RERE: variants seen among roughly 807,000 people sequenced by gnomAD.
The protein encoded by RERE is arginine-glutamic acid dipeptide repeats protein.
RERE carries 40 observed loss-of-function variants against 146.1 expected under a neutral mutation model. The ratio of observed to expected loss-of-function variants is 0.27; its 90% CI spans 0.21 to 0.36. The LOEUF (loss-of-function observed/expected upper bound fraction) is 0.36. RERE is among the 10% of genes least tolerant of loss of function. The pLI is 1.00. For synonymous variants in RERE, 1,003 were observed against 866.0 expected (o/e 1.16, Z -2.78); for missense variants, 1,933 against 2,138.7 (o/e 0.90, Z 1.90).
At chr1:8,508,706 C>A in intron 7 of RERE, 31 bp from the exon 8 acceptor site, 1 of 1,564,792 alleles carries the variant, frequency 6.4e-7, no homozygotes, top group Non-Finnish European at 8.7e-7. Flanking sequence ...ATTAAGTTAG[C>A]GCAATACAGT....
intron 4 of RERE, among the ~76,000 whole-genome samples, chr1:8,562,420 T>C (rs1019085644): frequency 1.3e-5 from 2 of 152,138 alleles, no homozygotes; most frequent in Admixed American, 6.5e-5. Context: ...GAAAGCACCC[T>C]AGGGTGTACT....
intron 11 of RERE, among the ~76,000 whole-genome samples, chr1:8,452,718 G>A (rs192379111): frequency 3.3e-4 from 51 of 152,270 alleles, no homozygotes; most frequent in Non-Finnish European, 5.9e-4. Context: ...GAATGGAAAC[G>A]CAGTAGAATT....
intron 4 of RERE, among the ~76,000 whole-genome samples, chr1:8,588,056 C>G (rs1443115230): frequency 1.3e-5 from 2 of 152,174 alleles, no homozygotes; most frequent in Non-Finnish European, 2.9e-5. Context: ...GTGCCATGCA[C>G]TGTAAAGCCT....
At chr1:8,532,404 T>A (rs1366722554) in intron 7 of RERE, among the ~76,000 whole-genome samples, 1 of 140,182 alleles carries the variant, frequency 7.1e-6, no homozygotes, top group Non-Finnish European at 1.6e-5. Context: ...TCATTTTTCT[T>A]TTTCTCTTTT....
At chr1:8,771,512 A>C (rs1640949791) in intron 1 of RERE, among the ~76,000 whole-genome samples, 1 of 119,114 alleles carries the variant, frequency 8.4e-6, no homozygotes, top group African/African-American at 3.6e-5. Context: ...TGACAGAGAG[A>C]AACTTGTTTC....
At chr1:8,638,101 T>G (rs1344027783) in intron 2 of RERE, among the ~76,000 whole-genome samples, 1 of 152,254 alleles carries the variant, frequency 6.6e-6, no homozygotes, top group Non-Finnish European at 1.5e-5. Flanking sequence ...AAATAAATTT[T>G]TTAATGTACG....
At chr1:8,461,977 T>G (rs1173216534) in intron 11 of RERE, among the ~76,000 whole-genome samples, 1 of 152,072 alleles carries the variant, frequency 6.6e-6, no homozygotes, top group African/African-American at 2.4e-5. Flanking sequence ...CCCAAGTAAC[T>G]GGGACTACAG....
intron 2 of RERE, among the ~76,000 whole-genome samples, chr1:8,631,877 T>G (rs553734616): frequency 3.3e-5 from 5 of 152,208 alleles, no homozygotes; most frequent in Non-Finnish European, 7.3e-5. Flanking sequence ...CATCTACCTA[T>G]TGAAGTAGTG....
intron 1 of RERE, among the ~76,000 whole-genome samples, chr1:8,763,549 C>T (rs1318094030): frequency 3.3e-5 from 5 of 152,194 alleles, no homozygotes; most frequent in Non-Finnish European, 7.3e-5. Context: ...GCAGGGGAAT[C>T]ACTTGACCCT....
chr1:8,618,544 T>C (rs779420105), intron 3 of RERE, among the ~76,000 whole-genome samples: 1 of 152,194 alleles, frequency 6.6e-6, no homozygotes, highest in Non-Finnish European at 1.5e-5. Flanking sequence ...TAATGCAAGA[T>C]TTACCTCCTT....
At chr1:8,576,678 G>T (rs1357870965) in intron 4 of RERE, among the ~76,000 whole-genome samples, 1 of 152,176 alleles carries the variant, frequency 6.6e-6, no homozygotes, top group African/African-American at 2.4e-5. Context: ...AAACTTATAT[G>T]AAGAATATAT....
intron 1 of RERE, among the ~76,000 whole-genome samples, chr1:8,749,792 T>G (rs1640493998): frequency 6.6e-6 from 1 of 152,190 alleles, no homozygotes; most frequent in Non-Finnish European, 1.5e-5. Flanking sequence ...TGGAGGGTTT[T>G]AAGGAAGAGA....
chr1:8,364,082 T>G lies in RERE; in HGVS notation c.1714A>C (p.Met572Leu). 1 of 1,614,214 alleles carries G rather than the reference T, an allele frequency of 6.2e-7. No individual in the cohort carries two copies. The highest frequency in any genetic ancestry group is 8.5e-7 in the Non-Finnish European group (1 of 1,180,038). ...GAGCCCCGACTCCGCCGTGTCCTCA[T>G]GCTATGCTTCCCACTGAGCCCATCA... ...EDDGLSGKHS[M>L]RTRRSRGSMS... is the part of the protein sequence containing the mutation. Residue 572 changes from methionine (M) to leucine (L), a missense_variant, in exon 15 of 23, where the codon ATG (methionine) becomes CTG (leucine). This residue lies in a region of RERE where 1,255 missense variants were observed against 1,153.8 expected (regional missense o/e 1.09). Coordinates refer to ENST00000400908, the MANE Select transcript of RERE (RefSeq NM_001042681.2). The surrounding 1 kb of genome is among the most constrained non-coding windows in gnomAD (Gnocchi z 5.1).
At chr1:8,628,898 C>T (rs1459178357) in intron 2 of RERE, among the ~76,000 whole-genome samples, 3 of 152,114 alleles carry the variant, frequency 2.0e-5, no homozygotes, top group Non-Finnish European at 4.4e-5. Context: ...CAATGATTCT[C>T]AATCTGAAAA....
intron 2 of RERE, among the ~76,000 whole-genome samples, chr1:8,626,291 T>C (rs1432771119): frequency 1.3e-5 from 2 of 152,200 alleles, no homozygotes; most frequent in Non-Finnish European, 2.9e-5. Context: ...TTATACCCAC[T>C]GCCAGCATTT....
At chr1:8,805,612 G>A (rs1277223956) in intron 1 of RERE, among the ~76,000 whole-genome samples, 1 of 149,366 alleles carries the variant, frequency 6.7e-6, no homozygotes, top group Non-Finnish European at 1.5e-5. Context: ...TTGCACCACT[G>A]CGCTCTACCC....
chr1:8,711,304 G>A (rs904224354), intron 1 of RERE, among the ~76,000 whole-genome samples: 8 of 152,068 alleles, frequency 5.3e-5, no homozygotes, highest in East Asian at 1.9e-4. Flanking sequence ...GCTCCCGGGG[G>A]CATCACAGCA....
At chr1:8,402,253 G>A (rs1245130703) in intron 12 of RERE, among the ~76,000 whole-genome samples, 1 of 152,204 alleles carries the variant, frequency 6.6e-6, no homozygotes, top group African/African-American at 2.4e-5. Flanking sequence ...GCCAAATGCA[G>A]TGGCCAAGTA....
chr1:8,615,278 T>C (rs1646839488), intron 3 of RERE, among the ~76,000 whole-genome samples: 1 of 152,212 alleles, frequency 6.6e-6, no homozygotes, highest in Non-Finnish European at 1.5e-5. Flanking sequence ...ACATGAGTTA[T>C]AATTTTCTCC....
Sources: allele counts gnomAD v4.1 joint callset (sites outside exome capture counted in the v4.1 genomes callset), GRCh38; gene constraint gnomAD v4.1.1; regional missense constraint gnomAD v4.1.1; non-coding constraint Gnocchi (gnomAD v3.1); transcripts MANE v1.5; gene names NCBI Gene and HGNC (gene_info 2026-07-23, HGNC 2026-07-21).